Variants in MYH3 observed in about 807,000 individuals in gnomAD.
MYH3 encodes myosin-3.
A neutral mutation model predicts 238.0 loss-of-function variants in MYH3; 130 were observed. The observed-to-expected ratio is 0.55, with a 90% CI of 0.47 to 0.63. MYH3 has a LOEUF of 0.63. MYH3 is among the 30% of genes least tolerant of loss of function. The probability of loss-of-function intolerance (pLI) is 0.00; values close to 1 mark genes in which losing one functional copy is unlikely to be tolerated. For missense variants in MYH3, 1,853 were observed against 2,374.9 expected (o/e 0.78, Z 4.57); for synonymous variants, 880 against 924.1 (o/e 0.95, Z 0.86).
intron 3 of MYH3, among the ~76,000 whole-genome samples, chr17:10,653,403 G>A (rs1218929971): frequency 6.6e-6 from 1 of 152,128 alleles, no homozygotes; most frequent in African/African-American, 2.4e-5. Context: ...CAGCTGTCCA[G>A]CCCCCGGCCC....
chr17:10,669,669 C>A, the MYH3 span, among the ~76,000 whole-genome samples: 1 of 151,970 alleles, frequency 6.6e-6, no homozygotes, highest in African/African-American at 2.4e-5. Context: ...TTTCGGAGGC[C>A]GAGATGGGAG....
chr17:10,653,277 A>C (rs900968015), intron 3 of MYH3, among the ~76,000 whole-genome samples: 1 of 152,116 alleles, frequency 6.6e-6, no homozygotes, highest in Non-Finnish European at 1.5e-5. Context: ...CTACTGAGAG[A>C]AAATGACGCA....
chr17:10,669,152 T>A, the MYH3 span, among the ~76,000 whole-genome samples: 1 of 152,296 alleles, frequency 6.6e-6, no homozygotes, highest in African/African-American at 2.4e-5. Flanking sequence ...CCCGCAGGGA[T>A]GTGAGCCCTA....
chr17:10,631,816 G>T lies in MYH3; in HGVS notation c.5157C>A (p.Thr1719=), dbSNP rs1358728646. 4.3e-6 allele frequency: 7 copies of T among 1,613,972 alleles called. No individual in the cohort carries two copies. Among genetic ancestry groups the T allele is most frequent in the Non-Finnish European group, 5.9e-6 (7 of 1,180,018 alleles). ...DSNERVQLLH[T]QNTSLIHTKK... is the part of the protein sequence containing the mutation. Reference sequence around the variant, plus strand: ...CTCTTCCTCTCCCTCCCCTCACCTGGGTATGCAGCAGCTGCACCCTCTCGT... The same window carrying T: ...CTCTTCCTCTCCCTCCCCTCACCTGTGTATGCAGCAGCTGCACCCTCTCGT... The change falls in exon 35 of 41, where the codon ACC becomes ACA. Residue 1719 remains threonine, a synonymous_variant. Coordinates refer to ENST00000583535, the MANE Select transcript of MYH3 (RefSeq NM_002470.4).
At chr17:10,668,102 A>C in the MYH3 span, among the ~76,000 whole-genome samples, 3 of 152,210 alleles carry the variant, frequency 2.0e-5, no homozygotes, top group Admixed American at 1.3e-4. Context: ...AAGCATAAAA[A>C]GAACTGCAGT....
intron 40 of MYH3, among the ~76,000 whole-genome samples, chr17:10,629,284 G>A (rs2074126664): frequency 6.6e-6 from 1 of 152,104 alleles, no homozygotes; most frequent in African/African-American, 2.4e-5. Flanking sequence ...GTGGTGTTTG[G>A]TTTTCTGTTT....
chr17:10,629,830 T>TATCTCACTTAC lies in MYH3; in HGVS notation c.5658+1_5658+11dup. ...CGGTCTGCCTGCCGCAGTCAGCACC[T>TATCTCACTTAC]ATCTCACTTACAGCCTCCTCCGCCT... On this transcript the variant is annotated intron_variant, in intron 39 of 40. Coordinates refer to ENST00000583535, the MANE Select transcript of MYH3 (RefSeq NM_002470.4). The TATCTCACTTAC allele has an allele frequency of 6.2e-7, 1 of 1,614,020 alleles. No homozygotes were observed. Among genetic ancestry groups the TATCTCACTTAC allele is most frequent in the Non-Finnish European group, 8.5e-7 (1 of 1,179,974 alleles).
At chr17:10,651,845 G>T (rs1305823586) in intron 4 of MYH3, 177 bp from the exon 5 acceptor site, 2 of 843,674 alleles carry the variant, frequency 2.4e-6, no homozygotes, top group Non-Finnish European at 3.5e-6. Context: ...CCGGGTTCAA[G>T]CAATTCTCCT....
intron 10 of MYH3, 55 bp from the exon 11 acceptor site, chr17:10,646,087 C>T: frequency 6.7e-7 from 1 of 1,483,268 alleles, no homozygotes; most frequent in South Asian, 1.2e-5. Context: ...AAAACCCACC[C>T]AGTGGACTTG....
intron 7 of MYH3, 56 bp from the exon 8 acceptor site, chr17:10,648,705 C>T: frequency 1.4e-6 from 2 of 1,447,854 alleles, no homozygotes; most frequent in Non-Finnish European, 1.9e-6. Context: ...GATGGAGTTA[C>T]ACTCTTGTTG....
rs148432520 is a variant in MYH3, at chr17:10,645,768, G to A, written c.1080C>T (p.Tyr360=). 43 of 1,613,636 alleles carry A rather than the reference G, an allele frequency of 2.7e-5. No individual in the cohort carries two copies. Among genetic ancestry groups the A allele is most frequent in the African/African-American group, 6.7e-5 (5 of 74,806 alleles). The change falls in exon 12 of 41, where the codon TAC becomes TAT. Residue 360 remains tyrosine, a synonymous_variant. Coordinates refer to ENST00000583535, the MANE Select transcript of MYH3 (RefSeq NM_002470.4). Reference sequence around the variant, plus strand: ...GCTTCTGCTTGAACTTCATGTTCCCGTAGTGCATCACGGCTCCCGTCAGCT... The same window carrying A: ...GCTTCTGCTTGAACTTCATGTTCCCATAGTGCATCACGGCTCCCGTCAGCT... The part of the protein sequence containing the change: ...LYKLTGAVMH[Y]GNMKFKQKQR...
At chr17:10,633,057 C>T (rs977768208) in intron 33 of MYH3, among the ~76,000 whole-genome samples, 1 of 152,038 alleles carries the variant, frequency 6.6e-6, no homozygotes, top group Admixed American at 6.6e-5. Flanking sequence ...ACTAAAAATA[C>T]AAAAATTAGC....
At chr17:10,629,473 A>T in intron 40 of MYH3, 124 bp downstream of exon 40, 3 of 1,304,690 alleles carry the variant, frequency 2.3e-6, no homozygotes, top group Non-Finnish European at 3.2e-6. Context: ...AAGTGACTTT[A>T]AGCACTTTCT....
chr17:10,676,710 T>C, the MYH3 span: 1 of 152,196 alleles, frequency 6.6e-6, no homozygotes, highest in East Asian at 1.9e-4. Flanking sequence ...TGTTGAAGAT[T>C]GAAAGGAAAT....
At chr17:10,646,636 T>A (rs1454447455) in intron 10 of MYH3, among the ~76,000 whole-genome samples, 1 of 152,198 alleles carries the variant, frequency 6.6e-6, no homozygotes, top group Non-Finnish European at 1.5e-5. Context: ...GTTCAGTTGC[T>A]CAGAAGGTTT....
At chr17:10,674,098 C>A in the MYH3 span, 1 of 152,536 alleles carries the variant, frequency 6.6e-6, no homozygotes, top group East Asian at 1.9e-4. Context: ...GTGCCTAAGA[C>A]TGAGGTGGGG....
chr17:10,628,763 T>C, intron 40 of MYH3, 84 bp from the exon 41 acceptor site: 1 of 1,454,068 alleles, frequency 6.9e-7, no homozygotes, highest in Non-Finnish European at 9.7e-7. Context: ...GGCATCAGAG[T>C]TGCTTGCCTA....
At chr17:10,650,628 TTGATA>T (rs1247942184) in intron 5 of MYH3, among the ~76,000 whole-genome samples, 1 of 152,230 alleles carries the variant, frequency 6.6e-6, no homozygotes, top group African/African-American at 2.4e-5. Context: ...ACATGATGAT[TTGATA>T]TATGTTTATA....
chr17:10,638,038 A>G lies in MYH3; in HGVS notation c.3729+5T>C. On this transcript the variant is annotated splice_donor_5th_base_variant and intron_variant, in intron 27 of 40. Coordinates refer to ENST00000583535, the MANE Select transcript of MYH3 (RefSeq NM_002470.4). ...GCCTTGAGCCACCCCCACCCCGCGC[A>G]GCACCTTAGATTTCGACACACTCTC... 1 of 1,613,216 alleles carries G rather than the reference A, an allele frequency of 6.2e-7. No homozygotes were observed. Among genetic ancestry groups the G allele is most frequent in the Non-Finnish European group, 8.5e-7 (1 of 1,179,430 alleles).
Sources: gnomAD v4.1 joint callset for allele counts (sites outside exome capture counted in the v4.1 genomes callset) on GRCh38, gnomAD v4.1.1 for gene constraint, MANE v1.5 for transcripts, NCBI Gene and HGNC (gene_info 2026-07-23, HGNC 2026-07-21) for gene names.